CRIPT: variants seen among roughly 807,000 people sequenced by gnomAD.
CRIPT encodes the protein cysteine-rich PDZ-binding protein.
CRIPT carries 20 observed loss-of-function variants against 16.6 expected under a neutral mutation model. The ratio of observed to expected loss-of-function variants is 1.20; its 90% CI spans 0.85 to 1.75. The LOEUF is 1.75. Ranked by LOEUF, CRIPT falls within the 40% of genes most tolerant of loss-of-function variation. The pLI, the probability that CRIPT is intolerant of heterozygous loss-of-function variation, is 0.00. For missense variants in CRIPT, 133 were observed against 115.3 expected (o/e 1.15, Z -0.70); for synonymous variants, 42 against 37.0 (o/e 1.14, Z -0.49).
At chr2:46,618,078 A>G (rs1424251537) in intron 1 of CRIPT, among the ~76,000 whole-genome samples, 2 of 150,758 alleles carry the variant, frequency 1.3e-5, no homozygotes, top group Non-Finnish European at 2.9e-5. Context: ...ATTGCCACAT[A>G]TCCAAATCCT....
Position 46,623,704 on chromosome 2 carries a change from G to T in CRIPT, c.138-60G>T, listed in dbSNP as rs375390924. 4 of 903,596 alleles carry T rather than the reference G, an allele frequency of 4.4e-6. No individual in the cohort carries two copies. In the Admixed American group the frequency reaches 5.9e-5, roughly 13 times the overall value. 56.0% of individuals were successfully genotyped at this position (903,596 alleles called of 1,614,324 possible). ...TAATCCTGTGTGTTGCGTAAGTGGG[G>T]TTATTTAAGAGTGTTTCTAGTGTAA... is the stretch of plus-strand genomic sequence containing the variant. On this transcript the variant is annotated intron_variant, in intron 3 of 4. Coordinates refer to ENST00000238892, the MANE Select transcript of CRIPT (RefSeq NM_014171.6).
rs1361238629 is a variant in CRIPT, at chr2:46,617,227, T to A, written c.-56T>A. 2.6e-6 allele frequency: 4 copies of A among 1,551,260 alleles called. No homozygotes were observed. The highest frequency in any genetic ancestry group is 3.5e-6 in the Non-Finnish European group (4 of 1,146,984). ...ATACTTCCAAGTTGTAGTGTTGTTG[T>A]TTTCAGCCTGCTGCTGCTGCTGCTG... is the stretch of plus-strand genomic sequence containing the variant. On this transcript the variant is annotated 5_prime_UTR_variant, in exon 1 of 5. Coordinates refer to ENST00000238892, the MANE Select transcript of CRIPT (RefSeq NM_014171.6).
At chr2:46,622,831 TTC>T (rs1391563017) in intron 3 of CRIPT, among the ~76,000 whole-genome samples, 27 of 151,792 alleles carry the variant, frequency 1.8e-4, no homozygotes, top group African/African-American at 6.5e-4. Flanking sequence ...AAAAGTGATA[TTC>T]TCTGTGTTTG....
At position 46,629,727 on chromosome 2, in the gene CRIPT, T is replaced by C. The variant is rs1671026163; in HGVS notation, c.*5500T>C. 6.6e-6 allele frequency among the ~76,000 whole-genome samples: 1 copy of C among 152,232 alleles called. No individual in the cohort carries two copies. Among genetic ancestry groups the C allele is most frequent in the Admixed American group, 6.5e-5 (1 of 15,286 alleles). On this transcript the variant is annotated 3_prime_UTR_variant, in exon 5 of 5. Coordinates refer to ENST00000238892, the MANE Select transcript of CRIPT (RefSeq NM_014171.6). ...TCCATTTGTCCCTTATTGGTGATGC[T>C]AATTTTGATCACTTGGGTAAGATGT...
At position 46,619,615 on chromosome 2, in the gene CRIPT, A is replaced by C. The variant is rs1203395293; in HGVS notation, c.83-12A>C. The C allele has an allele frequency of 6.3e-7, 1 of 1,596,180 alleles. No homozygotes were observed. Among genetic ancestry groups the C allele is most frequent in the South Asian group, 1.1e-5 (1 of 89,552 alleles). ...GAAATAACCCACTAAAATATCTTTT[A>C]TTCTGATACAGAAAGTGGTGGAAGA... On this transcript the variant is annotated splice_polypyrimidine_tract_variant and intron_variant, in intron 2 of 4. Transcript: ENST00000238892.
At chr2:46,621,312 T>G (rs1319383753) in intron 3 of CRIPT, among the ~76,000 whole-genome samples, 1 of 152,180 alleles carries the variant, frequency 6.6e-6, no homozygotes, top group Non-Finnish European at 1.5e-5. Flanking sequence ...TATGCTGTCT[T>G]TATTAGTTCT....
intron 3 of CRIPT, among the ~76,000 whole-genome samples, chr2:46,622,397 T>C (rs1210838867): frequency 6.7e-6 from 1 of 149,728 alleles, no homozygotes; most frequent in East Asian, 2.0e-4. Flanking sequence ...ATTTCCAAGG[T>C]TACAATGTGT....
rs191301881 is a variant in CRIPT at position 46,627,602 on chromosome 2, G to T, written c.*3375G>T. On this transcript the variant is annotated 3_prime_UTR_variant, in exon 5 of 5. Transcript: ENST00000238892. Reference sequence around the variant, plus strand: ...TGGGATTACAGGCACATGCCACCACGCCTGGCTAATTTTTCTATTTTTAGT... The same window carrying T: ...TGGGATTACAGGCACATGCCACCACTCCTGGCTAATTTTTCTATTTTTAGT... 6.6e-6 allele frequency among the ~76,000 whole-genome samples: 1 copy of T among 151,862 alleles called. No individual in the cohort carries two copies. Among genetic ancestry groups the T allele is most frequent in the East Asian group, 1.9e-4 (1 of 5,162 alleles).
In CRIPT at chr2:46,623,756, AT is replaced by A. The variant is rs60552651; in HGVS notation, c.138-5del. On this transcript the variant is annotated splice_region_variant and splice_polypyrimidine_tract_variant and intron_variant, in intron 3 of 4. Coordinates refer to ENST00000238892, the MANE Select transcript of CRIPT (RefSeq NM_014171.6). ...ATACAATTTTCTCTCTTTAAAAAAA[AT>A]TTCTAGATTTGATCCATATGGAAAG... The A allele has an allele frequency of 7.1e-4, 1,106 of 1,556,584 alleles. 8 individuals carry two copies. In the African/African-American group the frequency reaches 0.014, roughly 19 times the overall value.
intron 3 of CRIPT, among the ~76,000 whole-genome samples, chr2:46,620,777 TTC>T (rs1670783203): frequency 6.6e-6 from 1 of 150,786 alleles, no homozygotes; most frequent in Non-Finnish European, 1.5e-5. Flanking sequence ...CTGGCCTGAC[TTC>T]TCTGAGCTCT....
In CRIPT at chr2:46,627,090, C is replaced by T. The variant is rs1670955689; in HGVS notation, c.*2863C>T. On this transcript the variant is annotated 3_prime_UTR_variant, in exon 5 of 5. Transcript: ENST00000238892. ...TCAGGTGATCCACCCATCTCAGCCT[C>T]CCAAAGTGCTGGGATTACAGGAGTG... 6.6e-6 allele frequency among the ~76,000 whole-genome samples: 1 copy of T among 152,170 alleles called. No individual in the cohort carries two copies. The highest frequency in any genetic ancestry group is 1.5e-5 in the Non-Finnish European group (1 of 68,030).
chr2:46,628,528 C>G lies in CRIPT; in HGVS notation c.*4301C>G, dbSNP rs1257028895. ...GATATTGATTCTTCTAGCTCATGAG[C>G]TTGGAATGTTTTTCCATTTGTTTGT... On this transcript the variant is annotated 3_prime_UTR_variant, in exon 5 of 5. Transcript: ENST00000238892. Among the ~76,000 whole-genome samples the G allele has an allele frequency of 6.6e-6, 1 of 152,212 alleles. No individual in the cohort carries two copies. The highest frequency in any genetic ancestry group is 1.5e-5 in the Non-Finnish European group (1 of 68,038).
At position 46,626,651 on chromosome 2, in the gene CRIPT, A is replaced by G. The variant is rs1670945377; in HGVS notation, c.*2424A>G. Among the ~76,000 whole-genome samples, 1 of 152,136 alleles carries G rather than the reference A, an allele frequency of 6.6e-6. No individual in the cohort carries two copies. Among genetic ancestry groups the G allele is most frequent in the Admixed American group, 6.5e-5 (1 of 15,270 alleles). On this transcript the variant is annotated 3_prime_UTR_variant, in exon 5 of 5. Transcript: ENST00000238892. ...TCTGTTATTTTTTTGACTTTTTGAT[A>G]ATAGCCATTCTGACTGGTGTGAGAT...
rs973569970 is a variant in CRIPT, at chr2:46,627,644, C to T, written c.*3417C>T. Among the ~76,000 whole-genome samples the T allele has an allele frequency of 6.6e-6, 1 of 152,016 alleles. No individual in the cohort carries two copies. The highest frequency in any genetic ancestry group is 1.5e-5 in the Non-Finnish European group (1 of 68,000). ...ATTTTTAGTAGGAATGGGGTTTTACCATGTTGGCCAGGCTGGTCTTGAATT... is the reference window on the plus strand; with the variant it reads ...ATTTTTAGTAGGAATGGGGTTTTACTATGTTGGCCAGGCTGGTCTTGAATT... On this transcript the variant is annotated 3_prime_UTR_variant, in exon 5 of 5. Coordinates refer to ENST00000238892, the MANE Select transcript of CRIPT (RefSeq NM_014171.6).
chr2:46,622,791 C>T lies in CRIPT; in HGVS notation c.138-973C>T, dbSNP rs566893664. 2.0e-5 allele frequency among the ~76,000 whole-genome samples: 3 copies of T among 150,960 alleles called. 1 individual carries two copies. Among genetic ancestry groups the T allele is most frequent in the African/African-American group, 7.3e-5 (3 of 41,066 alleles). On this transcript the variant is annotated intron_variant, in intron 3 of 4. Coordinates refer to ENST00000238892, the MANE Select transcript of CRIPT (RefSeq NM_014171.6). ...TTGCGCCATTGCACTCTAGCCTGGG[C>T]GATAGAGTGAGATTCAGTCTCAAAA...
At chr2:46,623,045 G>C (rs939570254) in intron 3 of CRIPT, among the ~76,000 whole-genome samples, 3 of 151,782 alleles carry the variant, frequency 2.0e-5, no homozygotes, top group African/African-American at 7.3e-5. Flanking sequence ...ACTATAAGAT[G>C]GCATTTTTAT....
At chr2:46,622,331 C>T (rs563843859) in intron 3 of CRIPT, among the ~76,000 whole-genome samples, 168 of 148,922 alleles carry the variant, frequency 1.1e-3, no homozygotes, top group African/African-American at 4.1e-3. Flanking sequence ...GATTGCGCCA[C>T]TGCATTCCAG....
At chr2:46,620,793 C>T (rs772479732) in intron 3 of CRIPT, among the ~76,000 whole-genome samples, 2 of 150,958 alleles carry the variant, frequency 1.3e-5, no homozygotes, top group African/African-American at 2.4e-5. Context: ...GAGCTCTAAA[C>T]GTATATCTAG....
Position 46,617,330 on chromosome 2 carries a change from G to A in CRIPT, c.16+32G>A, listed in dbSNP as rs6761704. On this transcript the variant is annotated intron_variant, in intron 1 of 4. Coordinates refer to ENST00000238892, the MANE Select transcript of CRIPT (RefSeq NM_014171.6). ...TAAGGGGCCGCTTCTGCGGGAGGAGGAGGCTGGGAGAACCTAACTGAGCTC... is the reference window on the plus strand; with the variant it reads ...TAAGGGGCCGCTTCTGCGGGAGGAGAAGGCTGGGAGAACCTAACTGAGCTC... 1,466 of 1,551,764 alleles carry A rather than the reference G, an allele frequency of 9.4e-4. 16 individuals are homozygous for A. In the African/African-American group the frequency reaches 0.018, roughly 19 times the overall value.
Sources: allele counts gnomAD v4.1 joint callset (sites outside exome capture counted in the v4.1 genomes callset), GRCh38; gene constraint gnomAD v4.1.1; transcripts MANE v1.5; gene names NCBI Gene and HGNC (gene_info 2026-07-23, HGNC 2026-07-21).